The following KCTD1 variants were observed in gnomAD, a reference collection of about 807,000 sequenced individuals.
KCTD1 encodes the protein BTB/POZ domain-containing protein KCTD1.
Under a neutral mutation model 66.0 loss-of-function variants are expected in KCTD1, and 24 were observed. That is an observed-to-expected ratio of 0.36 (90% CI 0.26 to 0.51). The LOEUF is 0.51. KCTD1 is among the 20% of genes least tolerant of loss of function. KCTD1 has a pLI of 0.95. For missense variants in KCTD1, 943 were observed against 1,205.2 expected, an observed-to-expected ratio of 0.78 and a Z score of 3.22; for synonymous variants, 511 against 517.2, an observed-to-expected ratio of 0.99 and a Z score of 0.16.
intron 1 of KCTD1, among the ~76,000 whole-genome samples, chr18:26,522,651 C>CT (rs1027435728): frequency 3.2e-4 from 48 of 152,272 alleles, no homozygotes; most frequent in African/African-American, 1.1e-3. Context: ...GACGGTACCT[C>CT]TTTGTGGACC....
At chr18:26,550,910 G>T (rs1985540296), upstream of KCTD1, among the ~76,000 whole-genome samples, 1 of 152,212 alleles carries the variant, frequency 6.6e-6, no homozygotes, top group Non-Finnish European at 1.5e-5. The surrounding 1 kb of genome is among the most constrained non-coding windows in gnomAD (Gnocchi z 5.4). Context: ...TGGGTGCCCG[G>T]CAAGTTACCT....
intron 1 of KCTD1, among the ~76,000 whole-genome samples, chr18:26,520,936 C>T (rs1360533419): frequency 3.3e-5 from 5 of 152,248 alleles, no homozygotes; most frequent in African/African-American, 4.8e-5. Context: ...TGCCCAAAGT[C>T]GCTAAGCCTT....
rs963788663 is a variant in KCTD1, at chr18:26,582,139, G to C, written c.-16+47008C>G. Reference sequence around the variant, plus strand: ...AAAAAAAAAATTAGCGGGGCATATTGGTGCGTGCCTGTGGTCTCAGCTTCT... The same window carrying C: ...AAAAAAAAAATTAGCGGGGCATATTCGTGCGTGCCTGTGGTCTCAGCTTCT... On this transcript the variant is annotated intron_variant, in intron 1 of 4. Coordinates refer to the KCTD1 transcript ENST00000317932. Among the ~76,000 whole-genome samples, 3 of 151,922 alleles carry C rather than the reference G, an allele frequency of 2.0e-5. No homozygotes were observed. In the East Asian group the frequency reaches 5.8e-4, roughly 29 times the overall value.
rs537663891 is a variant in KCTD1 at position 26,628,126 on chromosome 18, T to A, written c.-16+1021A>T. Among the ~76,000 whole-genome samples, 14 of 152,352 alleles carry A rather than the reference T, an allele frequency of 9.2e-5. No homozygotes were observed. In the East Asian group the frequency reaches 9.6e-4, roughly 10 times the overall value. The stretch of plus-strand genomic sequence containing the variant: ...TTTACTTTTGTTTTATGAGTCTGTG[T>A]TCTCTATGTAAGATACATGTTTCAG... On this transcript the variant is annotated intron_variant, in intron 1 of 4. Coordinates refer to the KCTD1 transcript ENST00000317932.
At chr18:26,576,476 G>T (rs1367415441) in intron 1 of KCTD1, among the ~76,000 whole-genome samples, 1 of 152,050 alleles carries the variant, frequency 6.6e-6, no homozygotes, top group Non-Finnish European at 1.5e-5. Context: ...CAGTCTCTTG[G>T]CTTCCCTTAA....
rs540269810 is a variant in KCTD1, at chr18:26,595,656, C to T, written c.-16+33491G>A. Among the ~76,000 whole-genome samples, 5 of 152,224 alleles carry T rather than the reference C, an allele frequency of 3.3e-5. No homozygotes were observed. The South Asian group carries it at 8.3e-4, about 25-fold the overall frequency. On this transcript the variant is annotated intron_variant, in intron 1 of 4. Coordinates refer to the KCTD1 transcript ENST00000317932. ...GTGCCACCACCACCTACCTGAGGCT[C>T]ATCACTGCTGGACTTCTTGGGCTTC...
In KCTD1 at chr18:26,482,822, G is replaced by A. The variant is rs143073921; in HGVS notation, c.1989-6163C>T. On this transcript the variant is annotated intron_variant, in intron 2 of 4. Coordinates refer to ENST00000580059, the MANE Select transcript of KCTD1 (RefSeq NM_001142730.3). ...GCTGCAGGATGGACCAACCCAGAGA[G>A]GGTGGAGACATCCTGCTCAGGGGTG... 5.9e-5 allele frequency among the ~76,000 whole-genome samples: 9 copies of A among 152,350 alleles called. No homozygotes were observed. In the East Asian group the frequency reaches 1.7e-3, roughly 29 times the overall value.
chr18:26,628,040 T>C (rs1184655204), intron 1 of KCTD1, among the ~76,000 whole-genome samples: 1 of 152,144 alleles, frequency 6.6e-6, no homozygotes, highest in Non-Finnish European at 1.5e-5. Context: ...TGGTGAAAAT[T>C]ATAACCTTCC....
chr18:26,593,944 A>G (rs1174845028), intron 1 of KCTD1, among the ~76,000 whole-genome samples: 1 of 151,574 alleles, frequency 6.6e-6, no homozygotes, highest in Non-Finnish European at 1.5e-5. Flanking sequence ...AAAGAAGAGA[A>G]GGGGGGGAGA....
rs1323265200 is a variant in KCTD1, at chr18:26,468,541, C to A, written c.2133+7974G>T. Among the ~76,000 whole-genome samples, 2 of 152,140 alleles carry A rather than the reference C, an allele frequency of 1.3e-5. No individual in the cohort carries two copies. Among genetic ancestry groups the A allele is most frequent in the East Asian group, 3.9e-4 (2 of 5,188 alleles). ...AGAGATTCTCTCCTCATGCAAAAAA[C>A]CATGTCCTGGCCGGGCGCGGTGGCT... is the stretch of plus-strand genomic sequence containing the variant. On this transcript the variant is annotated intron_variant, in intron 3 of 4. Coordinates refer to ENST00000580059, the MANE Select transcript of KCTD1 (RefSeq NM_001142730.3). This position sits in a 1 kb window ranked among gnomAD's most constrained non-coding sequence, Gnocchi z 4.8.
Position 26,532,261 on chromosome 18 carries a change from C to CTTTCTTTT in KCTD1, c.1809+14466_1809+14467insAAAAGAAA, listed in dbSNP as rs1394278500. 8.8e-4 allele frequency among the ~76,000 whole-genome samples: 26 copies of CTTTCTTTT among 29,562 alleles called. 1 individual carries two copies. The highest frequency in any genetic ancestry group is 1.6e-3 in the African/African-American group (25 of 15,392). 19.4% of individuals were successfully genotyped at this position (29,562 alleles called of 152,430 possible). A position where few individuals can be genotyped will look rare whatever the true frequency, so the allele number is the denominator to read the frequency against. On this transcript the variant is annotated intron_variant, in intron 1 of 4. Transcript: ENST00000580059. ...CTTTTTCTTTTTCTTTTCTTTCCTT[C>CTTTCTTTT]TTTTTTTTTTTTTTTTTTTTTTTTT...
chr18:26,460,220 A>G (rs1038431075), intron 3 of KCTD1, among the ~76,000 whole-genome samples: 5 of 152,212 alleles, frequency 3.3e-5, no homozygotes, highest in Non-Finnish European at 1.5e-5. Context: ...AGGAACCACT[A>G]TTATTCCCAT....
intron 1 of KCTD1, among the ~76,000 whole-genome samples, chr18:26,583,609 C>G (rs1456172629): frequency 1.3e-5 from 2 of 152,124 alleles, no homozygotes; most frequent in East Asian, 3.8e-4. Flanking sequence ...TTCAAAAGCA[C>G]TTGGCCATAT....
chr18:26,633,697 A>G (rs1263718402), upstream of KCTD1, among the ~76,000 whole-genome samples: 1 of 152,212 alleles, frequency 6.6e-6, no homozygotes, highest in Non-Finnish European at 1.5e-5. Context: ...TGAAGGAATA[A>G]GAAAAGGCAA....
At chr18:26,607,618 C>T (rs1209374341) in intron 1 of KCTD1, among the ~76,000 whole-genome samples, 1 of 152,230 alleles carries the variant, frequency 6.6e-6, no homozygotes, top group Non-Finnish European at 1.5e-5. Context: ...ATTTCAGTCA[C>T]TGATCACATA....
At chr18:26,529,572 A>G (rs1984339412) in intron 1 of KCTD1, among the ~76,000 whole-genome samples, 1 of 152,232 alleles carries the variant, frequency 6.6e-6, no homozygotes, top group Non-Finnish European at 1.5e-5. Context: ...TCCCAAAGGA[A>G]AAGAAGAACC....
At chr18:26,545,660 C>T (rs755408432) in intron 1 of KCTD1, 1 of 151,958 alleles carries the variant, frequency 6.6e-6, no homozygotes, top group Non-Finnish European at 1.5e-5. Context: ...CCAGTGGGTA[C>T]TCCTGCCTGC....
At chr18:26,654,056 C>T (rs562440) in intron 1 of KCTD1, among the ~76,000 whole-genome samples, 151,573 of 152,344 alleles carry the variant, frequency 0.99, 75,412 homozygotes, top group Middle Eastern at 1. Context: ...TGGGAAAAGA[C>T]CTTAGCTAAA....
chr18:26,548,429 G>A lies in KCTD1; in HGVS notation c.108C>T (p.Arg36=), dbSNP rs1259217389. ...GGCGGCGGCCGCGGCCCCCCGCGCC[G>A]CGCTCGCCCTCGCCCCGCTCCCCAT... The part of the protein sequence containing the change: ...ENNGERGEGE[R]GAGGRGRRHS... Residue 36 remains arginine, a synonymous_variant, in exon 1 of 5, where the codon CGC becomes CGT. Coordinates refer to ENST00000580059, the MANE Select transcript of KCTD1 (RefSeq NM_001142730.3). 3 of 1,419,270 alleles carry A rather than the reference G, an allele frequency of 2.1e-6. No homozygotes were observed. The highest frequency in any genetic ancestry group is 1.8e-6 in the Non-Finnish European group (2 of 1,084,938). 87.9% of individuals were successfully genotyped at this position (1,419,270 alleles called of 1,614,324 possible). A position where few individuals can be genotyped will look rare whatever the true frequency, so the allele number is the denominator to read the frequency against.
Sources: allele counts gnomAD v4.1 joint callset (sites outside exome capture counted in the v4.1 genomes callset), GRCh38; gene constraint gnomAD v4.1.1; non-coding constraint Gnocchi (gnomAD v3.1); transcripts MANE v1.5; gene names NCBI Gene and HGNC (gene_info 2026-07-23, HGNC 2026-07-21).